ZFHX3: variants seen among roughly 807,000 people sequenced by gnomAD.
ZFHX3 encodes zinc finger homeobox protein 3.
In ZFHX3, 42 loss-of-function variants were observed where a neutral mutation model predicts 279.1. That is an observed-to-expected ratio of 0.15 (90% CI 0.12 to 0.19). The LOEUF is 0.19. Among genes scored for constraint, ZFHX3 ranks in the 10% least tolerant of loss-of-function variants. ZFHX3 has a pLI of 1.00. For missense variants in ZFHX3, 4,981 were observed against 4,754.0 expected, an observed-to-expected ratio of 1.05 and a Z score of -1.40; for synonymous variants, 2,293 against 1,957.8, an observed-to-expected ratio of 1.17 and a Z score of -4.52.
chr16:73,794,020 G>A (rs1394360112), intron 1 of ZFHX3: 1 of 152,140 alleles, frequency 6.6e-6, no homozygotes, highest in Non-Finnish European at 1.5e-5. Context: ...TACATGACAC[G>A]AGATTGGCCC....
chr16:73,724,641 A>T (rs139910039), intron 1 of ZFHX3, among the ~76,000 whole-genome samples: 1 of 152,330 alleles, frequency 6.6e-6, no homozygotes, highest in Non-Finnish European at 1.5e-5. Flanking sequence ...TATGGAAGCC[A>T]CATTCTGTCT....
intron 5 of ZFHX3, among the ~76,000 whole-genome samples, chr16:73,204,654 G>C (rs1225660164): frequency 2.0e-5 from 3 of 152,144 alleles, no homozygotes; most frequent in Non-Finnish European, 4.4e-5. Context: ...CAGTCCCTGA[G>C]GGAACCCTGC....
intron 4 of ZFHX3, among the ~76,000 whole-genome samples, chr16:73,307,173 C>T (rs1207252435): frequency 2.0e-5 from 3 of 152,228 alleles, no homozygotes; most frequent in Non-Finnish European, 4.4e-5. Flanking sequence ...GAGGAGATAG[C>T]AGCCCCTGTC....
intron 1 of ZFHX3, among the ~76,000 whole-genome samples, chr16:72,975,883 C>A (rs1962327291): frequency 6.6e-6 from 1 of 152,160 alleles, no homozygotes; most frequent in African/African-American, 2.4e-5. Flanking sequence ...TTAAATAGTA[C>A]TTGGATTAAT....
intron 3 of ZFHX3, among the ~76,000 whole-genome samples, chr16:73,375,340 T>C (rs548305828): frequency 1.3e-5 from 2 of 152,234 alleles, no homozygotes; most frequent in Non-Finnish European, 2.9e-5. Context: ...CAAAATGTTC[T>C]GGCCTCATCT....
intron 4 of ZFHX3, among the ~76,000 whole-genome samples, chr16:73,261,946 A>G (rs1047907693): frequency 2.6e-5 from 4 of 152,160 alleles, no homozygotes; most frequent in Non-Finnish European, 5.9e-5. Context: ...AAGTGCTGGG[A>G]TTACAGGCGT....
chr16:73,219,461 G>T (rs1321331784), intron 5 of ZFHX3, among the ~76,000 whole-genome samples: 1 of 152,200 alleles, frequency 6.6e-6, no homozygotes, highest in African/African-American at 2.4e-5. Flanking sequence ...TTAAGGAATG[G>T]TGCAGGCAGT....
At chr16:73,479,091 G>A (rs1296113048) in intron 2 of ZFHX3, among the ~76,000 whole-genome samples, 3 of 152,090 alleles carry the variant, frequency 2.0e-5, no homozygotes, top group African/African-American at 7.2e-5. Context: ...CCCCTCCCTT[G>A]TTGTAAAAGA....
At chr16:73,470,124 C>T (rs1052167276) in intron 2 of ZFHX3, among the ~76,000 whole-genome samples, 1 of 152,146 alleles carries the variant, frequency 6.6e-6, no homozygotes, top group African/African-American at 2.4e-5. Context: ...TAAGACTCTG[C>T]ATTTTAATAA....
intron 3 of ZFHX3, chr16:73,400,856 A>C (rs1410413086): frequency 6.6e-6 from 1 of 152,108 alleles, no homozygotes; most frequent in Non-Finnish European, 1.5e-5. Context: ...AAAGCCACTT[A>C]TTACCTTGTG....
At chr16:72,820,737 C>G (rs1194399053) in intron 5 of ZFHX3, among the ~76,000 whole-genome samples, 1 of 152,162 alleles carries the variant, frequency 6.6e-6, no homozygotes, top group Non-Finnish European at 1.5e-5. Flanking sequence ...ACTAGGGGGT[C>G]TGCACTTATT....
At chr16:73,631,868 T>C (rs1029994504) in intron 2 of ZFHX3, among the ~76,000 whole-genome samples, 4 of 149,898 alleles carry the variant, frequency 2.7e-5, no homozygotes, top group Non-Finnish European at 5.9e-5. Flanking sequence ...GATCGTGCCA[T>C]TGCACTCCAG....
intron 4 of ZFHX3, among the ~76,000 whole-genome samples, chr16:73,270,854 T>C (rs2014124270): frequency 6.6e-6 from 1 of 152,124 alleles, no homozygotes; most frequent in Non-Finnish European, 1.5e-5. Flanking sequence ...TTCTAGAGTG[T>C]TCTAGGTATG....
At position 73,024,406 on chromosome 16, in the gene ZFHX3, C is replaced by T. The variant is rs551620828; in HGVS notation, c.-50+23346G>A. Among the ~76,000 whole-genome samples, 8 of 152,274 alleles carry T rather than the reference C, an allele frequency of 5.3e-5. No homozygotes were observed. The East Asian group carries it at 1.4e-3, about 26-fold the overall frequency. Reference sequence around the variant, plus strand: ...AAGTCTCCACTCCCCTTCCTTCCCCCAGCCACGGGCAGGAGGCACCACCCA... The same window carrying T: ...AAGTCTCCACTCCCCTTCCTTCCCCTAGCCACGGGCAGGAGGCACCACCCA... On this transcript the variant is annotated intron_variant, in intron 1 of 9. Coordinates refer to ENST00000268489, the MANE Select transcript of ZFHX3 (RefSeq NM_006885.4).
intron 1 of ZFHX3, among the ~76,000 whole-genome samples, chr16:73,020,257 T>C (rs536893049): frequency 2.6e-5 from 4 of 152,322 alleles, no homozygotes; most frequent in African/African-American, 7.2e-5. Context: ...AAACTTTACA[T>C]TGGCAGAACA....
intron 1 of ZFHX3, among the ~76,000 whole-genome samples, chr16:72,982,473 G>A (rs780112672): frequency 3.3e-5 from 5 of 152,114 alleles, no homozygotes; most frequent in African/African-American, 4.8e-5. Context: ...AAACCTACCT[G>A]CTGCATGCCT....
At chr16:73,378,484 C>T (rs2016763444) in intron 3 of ZFHX3, among the ~76,000 whole-genome samples, 1 of 152,124 alleles carries the variant, frequency 6.6e-6, no homozygotes, top group Non-Finnish European at 1.5e-5. Context: ...CTAAGTAACT[C>T]TTGTGTACCT....
chr16:73,278,779 G>A (rs1045507881), intron 4 of ZFHX3, among the ~76,000 whole-genome samples: 1 of 152,166 alleles, frequency 6.6e-6, no homozygotes. Flanking sequence ...ACAGAGTGCT[G>A]ATTGGTGCAT....
chr16:73,275,501 T>C (rs1010660816), intron 4 of ZFHX3, among the ~76,000 whole-genome samples: 1 of 152,148 alleles, frequency 6.6e-6, no homozygotes, highest in Non-Finnish European at 1.5e-5. Flanking sequence ...GAAACTCCAA[T>C]ATGTTAAAAT....
Sources: allele counts gnomAD v4.1 joint callset (sites outside exome capture counted in the v4.1 genomes callset), GRCh38; gene constraint gnomAD v4.1.1; transcripts MANE v1.5; gene names NCBI Gene and HGNC (gene_info 2026-07-23, HGNC 2026-07-21).